MYPOP: variants seen among roughly 807,000 people sequenced by gnomAD.
MYPOP encodes myb-related transcription factor, partner of profilin.
In MYPOP, 21 loss-of-function variants were observed where a neutral mutation model predicts 25.7. The observed-to-expected ratio is 0.82, with a 90% CI of 0.58 to 1.18. The LOEUF (loss-of-function observed/expected upper bound fraction) is 1.18, where lower values mean the gene tolerates loss of function less well. Ranked by LOEUF, MYPOP falls within the 50% of genes most tolerant of loss-of-function variation. The pLI is 0.00. For synonymous variants in MYPOP, 280 were observed against 247.9 expected, an observed-to-expected ratio of 1.13 and a Z score of -1.22; for missense variants, 566 against 588.3, an observed-to-expected ratio of 0.96 and a Z score of 0.39.
chr19:45,890,345 C>T lies in MYPOP; in HGVS notation c.*278G>A. The T allele has an allele frequency of 2.7e-6, 1 of 370,902 alleles. No individual in the cohort carries two copies. The highest frequency in any genetic ancestry group is 5.7e-5 in the South Asian group (1 of 17,518). The allele number at this position is 370,902 out of a possible 1,614,324, so 23.0% of individuals were successfully genotyped here. ...AGACCCGAGAGGTTCCCTCCCCACC[C>T]CACATAGGGCAATAATAAATAACAT... On this transcript the variant is annotated 3_prime_UTR_variant, in exon 3 of 3. Transcript: ENST00000322217.
intron 2 of MYPOP, among the ~76,000 whole-genome samples, chr19:45,895,419 TTTTTG>T (rs1391718007): frequency 6.6e-6 from 1 of 152,062 alleles, no homozygotes; most frequent in East Asian, 1.9e-4. Context: ...GCTTGGCTAA[TTTTTG>T]TTTTGTTTTT....
chr19:45,893,200 G>A (rs989021688), intron 2 of MYPOP, among the ~76,000 whole-genome samples: 13 of 152,036 alleles, frequency 8.6e-5, no homozygotes, highest in African/African-American at 2.9e-4. Flanking sequence ...GCTTGAACCC[G>A]GGAGGCGGAG....
At position 45,890,723 on chromosome 19, in the gene MYPOP, C is replaced by CGGGGGGGGGGGGGGGCCG; in HGVS notation, c.1099_1100insCGGCCCCCCCCCCCCCCC (p.Pro366_Arg367insProAlaProProProPro). 3.4e-6 allele frequency: 4 copies of CGGGGGGGGGGGGGGGCCG among 1,193,510 alleles called. No homozygotes were observed. The highest frequency in any genetic ancestry group is 4.8e-6 in the Non-Finnish European group (4 of 836,790). The allele number at this position is 1,193,510 out of a possible 1,614,324, so 73.9% of individuals were successfully genotyped here. A position where few individuals can be genotyped will look rare whatever the true frequency, so the allele number is the denominator to read the frequency against. The stretch of plus-strand genomic sequence containing the variant: ...CGGAGGGAGCGGGGCTGGGGGGGGC[C>CGGGGGGGGGGGGGGGCCG]GGGGTGCCCCCTCCTCGCTCCTTGG... On this transcript the variant is annotated inframe_insertion, in exon 3 of 3. Coordinates refer to ENST00000322217, the MANE Select transcript of MYPOP (RefSeq NM_001012643.4).
intron 2 of MYPOP, among the ~76,000 whole-genome samples, chr19:45,896,152 G>A (rs920137241): frequency 3.3e-5 from 5 of 152,096 alleles, no homozygotes; most frequent in Admixed American, 6.6e-5. Flanking sequence ...TTAGCCGGGT[G>A]TGGTGGTGCA....
At position 45,901,272 on chromosome 19, in the gene MYPOP, C is replaced by CA; in HGVS notation, c.499+2dup. On this transcript the variant is annotated splice_region_variant and intron_variant, in intron 2 of 2. Coordinates refer to ENST00000322217, the MANE Select transcript of MYPOP (RefSeq NM_001012643.4). The surrounding 1 kb of genome is among the most constrained non-coding windows in gnomAD (Gnocchi z 5.7). Reference sequence around the variant, plus strand: ...GCACACAGCCTACTCTGAAGACACTCACCTGCACGTCGGTCCTCCCGGCGG... The same window carrying CA: ...GCACACAGCCTACTCTGAAGACACTCAACCTGCACGTCGGTCCTCCCGGCGG... The CA allele has an allele frequency of 6.9e-7, 1 of 1,446,200 alleles. No individual in the cohort carries two copies. Among genetic ancestry groups the CA allele is most frequent in the Non-Finnish European group, 9.1e-7 (1 of 1,100,486 alleles). 89.6% of individuals were successfully genotyped at this position (1,446,200 alleles called of 1,614,324 possible).
rs1967105846 is a variant in MYPOP at position 45,890,711 on chromosome 19, G to C, written c.1112C>G (p.Ala371Gly). ...GGGGGAGTCGTGCGGAGGGAGCGGGGCTGGGGGGGGCCGGGGTGCCCCCTC... is the reference window on the plus strand; with the variant it reads ...GGGGGAGTCGTGCGGAGGGAGCGGGCCTGGGGGGGGCCGGGGTGCCCCCTC... ...SEEGAPRPPP[A>G]PLPPHDSPPH... Residue 371 changes from alanine (A) to glycine (G), a missense_variant, in exon 3 of 3, where the codon GCC becomes GGC. Coordinates refer to ENST00000322217, the MANE Select transcript of MYPOP (RefSeq NM_001012643.4). 6.4e-7 allele frequency: 1 copy of C among 1,569,842 alleles called. No individual in the cohort carries two copies. Among genetic ancestry groups the C allele is most frequent in the Non-Finnish European group, 8.6e-7 (1 of 1,156,976 alleles).
At chr19:45,891,658 G>T (rs554472058) in intron 2 of MYPOP, among the ~76,000 whole-genome samples, 1 of 151,894 alleles carries the variant, frequency 6.6e-6, no homozygotes, top group Non-Finnish European at 1.5e-5. Context: ...GGCTGGTCTC[G>T]GACTCCTGAC....
chr19:45,900,457 C>G (rs904763194), intron 2 of MYPOP, among the ~76,000 whole-genome samples: 4 of 146,624 alleles, frequency 2.7e-5, no homozygotes, highest in African/African-American at 1.0e-4. Flanking sequence ...CCACCCCCCC[C>G]CCCACCGAAA....
intron 2 of MYPOP, among the ~76,000 whole-genome samples, chr19:45,898,849 A>T (rs1443885111): frequency 6.6e-6 from 1 of 151,930 alleles, no homozygotes; most frequent in Non-Finnish European, 1.5e-5. Flanking sequence ...AATATGACTT[A>T]TTTATCCTCT....
Position 45,901,933 on chromosome 19 carries a change from G to T in MYPOP, c.-52-108C>A. 2.0e-6 allele frequency: 1 copy of T among 512,726 alleles called. No individual in the cohort carries two copies. Among genetic ancestry groups the T allele is most frequent in the Admixed American group, 4.6e-5 (1 of 21,692 alleles). 31.8% of individuals were successfully genotyped at this position (512,726 alleles called of 1,614,324 possible). On this transcript the variant is annotated intron_variant, in intron 1 of 2. Transcript: ENST00000322217. This position sits in a 1 kb window ranked among gnomAD's most constrained non-coding sequence, Gnocchi z 5.7. ...CCTTAGTCCCCGGGGGCAGGAGTGG[G>T]GGCGGGGGGCGGGCGGGGGCGACGG... is the stretch of plus-strand genomic sequence containing the variant.
chr19:45,896,007 C>T (rs1257080294), intron 2 of MYPOP, among the ~76,000 whole-genome samples: 1 of 152,080 alleles, frequency 6.6e-6, no homozygotes, highest in Non-Finnish European at 1.5e-5. Context: ...AACCAACCAT[C>T]CAGGCCGGGT....
At chr19:45,892,109 T>TG (rs1320884134) in intron 2 of MYPOP, among the ~76,000 whole-genome samples, 1 of 151,140 alleles carries the variant, frequency 6.6e-6, no homozygotes, top group Non-Finnish European at 1.5e-5. Context: ...TTAGTAGAGA[T>TG]GGGGTTTTGC....
chr19:45,901,810 A>C lies in MYPOP; in HGVS notation c.-37T>G. On this transcript the variant is annotated 5_prime_UTR_variant, in exon 2 of 3. The change abolishes an upstream ATG in the 5' untranslated region. Coordinates refer to ENST00000322217, the MANE Select transcript of MYPOP (RefSeq NM_001012643.4). The surrounding 1 kb of genome is among the most constrained non-coding windows in gnomAD (Gnocchi z 5.7). The stretch of plus-strand genomic sequence containing the variant: ...ACGCCGCCGTCCTGCCGTCTGGCGC[A>C]TGGGGGGCGCCGGCGCTGCGGGCAA... 1 of 1,322,388 alleles carries C rather than the reference A, an allele frequency of 7.6e-7. No homozygotes were observed. Among genetic ancestry groups the C allele is most frequent in the Non-Finnish European group, 9.7e-7 (1 of 1,036,240 alleles). 81.9% of individuals were successfully genotyped at this position (1,322,388 alleles called of 1,614,324 possible). A position where few individuals can be genotyped will look rare whatever the true frequency, so the allele number is the denominator to read the frequency against.
At position 45,901,823 on chromosome 19, in the gene MYPOP, G is replaced by A. The variant is rs1967301677; in HGVS notation, c.-50C>T. 7.5e-7 allele frequency: 1 copy of A among 1,335,738 alleles called. No individual in the cohort carries two copies. Among genetic ancestry groups the A allele is most frequent in the South Asian group, 1.8e-5 (1 of 55,324 alleles). The allele number at this position is 1,335,738 out of a possible 1,614,324, so 82.7% of individuals were successfully genotyped here. ...GCCGTCTGGCGCATGGGGGGCGCCGGCGCTGCGGGCAAAGGGCGCACGGGG... is the reference window on the plus strand; with the variant it reads ...GCCGTCTGGCGCATGGGGGGCGCCGACGCTGCGGGCAAAGGGCGCACGGGG... On this transcript the variant is annotated splice_region_variant and 5_prime_UTR_variant, in exon 2 of 3. Coordinates refer to ENST00000322217, the MANE Select transcript of MYPOP (RefSeq NM_001012643.4). The surrounding 1 kb of genome is among the most constrained non-coding windows in gnomAD (Gnocchi z 5.7).
chr19:45,892,359 C>T (rs914972934), intron 2 of MYPOP, among the ~76,000 whole-genome samples: 1 of 152,138 alleles, frequency 6.6e-6, no homozygotes, highest in Non-Finnish European at 1.5e-5. Flanking sequence ...CTCTCTCCAA[C>T]CAGGACAGCA....
chr19:45,890,525 GGAGCTAGGGTGCAGCTGGGATGGGCAGA>G lies in MYPOP; in HGVS notation c.*70_*97del, dbSNP rs969290298. 57 of 1,526,492 alleles carry G rather than the reference GGAGCTAGGGTGCAGCTGGGATGGGCAGA, an allele frequency of 3.7e-5. No individual in the cohort carries two copies. Among genetic ancestry groups the G allele is most frequent in the Non-Finnish European group, 5.0e-5 (57 of 1,136,226 alleles). The allele number at this position is 1,526,492 out of a possible 1,614,324, so 94.6% of individuals were successfully genotyped here. A position where few individuals can be genotyped will look rare whatever the true frequency, so the allele number is the denominator to read the frequency against. ...GTGGGTGCTCACATCCCTGGAGCAG[GGAGCTAGGGTGCAGCTGGGATGGGCAGA>G]GAGCATCGCCCCCCTCGACTGCGCC... On this transcript the variant is annotated 3_prime_UTR_variant, in exon 3 of 3. Transcript: ENST00000322217.
chr19:45,891,382 CCT>C (rs1460168334), intron 2 of MYPOP, 59 bp from the exon 3 acceptor site: 1 of 1,412,542 alleles, frequency 7.1e-7, no homozygotes, highest in African/African-American at 1.5e-5. Flanking sequence ...CTTGATTTCC[CCT>C]TTCCCACTCC....
chr19:45,890,617 T>C lies in MYPOP; in HGVS notation c.*6A>G. The C allele has an allele frequency of 6.2e-7, 1 of 1,610,190 alleles. No homozygotes were observed. The highest frequency in any genetic ancestry group is 8.5e-7 in the Non-Finnish European group (1 of 1,178,936). ...GGGTTGCAGGCAGGATCATAGATAG[T>C]AGATTTCACGGAGATTTCCATCGGC... On this transcript the variant is annotated 3_prime_UTR_variant, in exon 3 of 3. Transcript: ENST00000322217.
chr19:45,901,609 C>T lies in MYPOP; in HGVS notation c.165G>A (p.Val55=), dbSNP rs763693869. 2 of 1,610,400 alleles carry T rather than the reference C, an allele frequency of 1.2e-6. No homozygotes were observed. Among genetic ancestry groups the T allele is most frequent in the Non-Finnish European group, 1.7e-6 (2 of 1,179,174 alleles). ...RRVSVAERRR[V]WDGIAAKING... ...TGATCTTGGCGGCGATGCCGTCCCA[C>T]ACGCGCCGCCGCTCTGCCACGCTCA... is the stretch of plus-strand genomic sequence containing the variant. The change falls in exon 2 of 3, where the codon GTG becomes GTA. Residue 55 remains valine (V), a synonymous_variant. Coordinates refer to ENST00000322217, the MANE Select transcript of MYPOP (RefSeq NM_001012643.4). The surrounding 1 kb of genome is among the most constrained non-coding windows in gnomAD (Gnocchi z 5.7).
Sources: gnomAD v4.1 joint callset for allele counts (sites outside exome capture counted in the v4.1 genomes callset) on GRCh38, gnomAD v4.1.1 for gene constraint, Gnocchi (gnomAD v3.1) non-coding constraint, MANE v1.5 for transcripts, NCBI Gene and HGNC (gene_info 2026-07-23, HGNC 2026-07-21) for gene names.